The following GNAQ variants were observed in gnomAD, a reference collection of about 807,000 sequenced individuals.
GNAQ encodes the protein guanine nucleotide-binding protein G(q) subunit alpha.
A neutral mutation model predicts 43.9 loss-of-function variants in GNAQ; 8 were observed. The ratio of observed to expected loss-of-function variants is 0.18; its 90% CI spans 0.11 to 0.33. The LOEUF (loss-of-function observed/expected upper bound fraction) is 0.33, where lower values mean the gene tolerates loss of function less well. Among genes scored for constraint, GNAQ ranks in the 10% least tolerant of loss-of-function variants. The probability of loss-of-function intolerance (pLI) is 1.00; values close to 1 mark genes in which losing one functional copy is unlikely to be tolerated. For missense variants in GNAQ, 158 were observed against 450.8 expected, an observed-to-expected ratio of 0.35 and a Z score of 5.88; for synonymous variants, 155 against 170.7, an observed-to-expected ratio of 0.91 and a Z score of 0.71.
intron 1 of GNAQ, among the ~76,000 whole-genome samples, chr9:78,003,312 T>C (rs1392376918): frequency 6.6e-6 from 1 of 152,208 alleles, no homozygotes; most frequent in African/African-American, 2.4e-5. Context: ...TTCTTTCTCT[T>C]GAGCCGTATT....
chr9:77,998,745 A>T (rs566097596), intron 1 of GNAQ, among the ~76,000 whole-genome samples: 111 of 152,324 alleles, frequency 7.3e-4, no homozygotes, highest in Non-Finnish European at 1.4e-3. Flanking sequence ...TACTATGTGA[A>T]ACCAAAGACA....
At chr9:77,799,913 GA>G (rs1322952842) in intron 3 of GNAQ, among the ~76,000 whole-genome samples, 5 of 152,214 alleles carry the variant, frequency 3.3e-5, no homozygotes, top group Admixed American at 3.3e-4. Flanking sequence ...CAAATAGAGG[GA>G]GGCTGGGAGA....
intron 3 of GNAQ, among the ~76,000 whole-genome samples, chr9:77,798,989 A>G (rs955754424): frequency 1.3e-5 from 2 of 152,210 alleles, no homozygotes; most frequent in African/African-American, 2.4e-5. Context: ...GCAGTCACAC[A>G]TATGTTCTTC....
chr9:78,029,894 C>T (rs183818512), intron 1 of GNAQ, among the ~76,000 whole-genome samples: 12 of 152,206 alleles, frequency 7.9e-5, no homozygotes, highest in African/African-American at 1.2e-4. Context: ...TTTTTCAGGC[C>T]CGTTACTGCA....
intron 2 of GNAQ, among the ~76,000 whole-genome samples, chr9:77,900,462 A>G (rs10781470): frequency 0.59 from 89,397 of 151,998 alleles, 27,870 homozygotes; most frequent in South Asian, 0.71. Context: ...ACTACCAGTA[A>G]GGCAGGCTGA....
intron 5 of GNAQ, among the ~76,000 whole-genome samples, chr9:77,735,168 CTCT>C (rs1430149641): frequency 4.6e-5 from 7 of 152,182 alleles, no homozygotes; most frequent in Admixed American, 2.0e-4. Flanking sequence ...ACTCTTCACT[CTCT>C]TTTTTAAATA....
intron 1 of GNAQ, among the ~76,000 whole-genome samples, chr9:77,978,717 C>T (rs1823332754): frequency 6.6e-6 from 1 of 152,168 alleles, no homozygotes; most frequent in Non-Finnish European, 1.5e-5. Flanking sequence ...TTCTTACACT[C>T]CACTAAATGT....
At chr9:78,021,045 CTTTT>C (rs545575616) in intron 1 of GNAQ, among the ~76,000 whole-genome samples, 1 of 112,206 alleles carries the variant, frequency 8.9e-6, no homozygotes, top group South Asian at 3.3e-4. Context: ...CAGGAAGCTG[CTTTT>C]TTTTTTTTTT....
intron 2 of GNAQ, among the ~76,000 whole-genome samples, chr9:77,821,927 T>A (rs1827124185): frequency 6.6e-6 from 1 of 152,112 alleles, no homozygotes; most frequent in South Asian, 2.1e-4. Context: ...TCAAAGAATA[T>A]CTGAGGAACA....
At chr9:77,962,785 G>A (rs1458202791) in intron 1 of GNAQ, among the ~76,000 whole-genome samples, 2 of 151,540 alleles carry the variant, frequency 1.3e-5, no homozygotes, top group South Asian at 2.1e-4. Context: ...CCAGCTACTC[G>A]GGAGGCTGAG....
chr9:77,987,638 C>T (rs1351113157), intron 1 of GNAQ, among the ~76,000 whole-genome samples: 3 of 152,118 alleles, frequency 2.0e-5, no homozygotes, highest in Non-Finnish European at 4.4e-5. Flanking sequence ...AACATCGTAC[C>T]AGGTCCTGTT....
At chr9:77,728,437 T>A in intron 6 of GNAQ, 77 bp downstream of exon 6, 2 of 968,774 alleles carry the variant, frequency 2.1e-6, no homozygotes, top group Non-Finnish European at 3.4e-6. Context: ...TGCACTGTAG[T>A]GCGTTAACTC....
chr9:77,774,569 C>G (rs942425067), intron 5 of GNAQ, among the ~76,000 whole-genome samples: 5 of 152,198 alleles, frequency 3.3e-5, no homozygotes, highest in African/African-American at 1.2e-4. Flanking sequence ...TCAAGTGACC[C>G]TCTGGCTTTG....
intron 1 of GNAQ, among the ~76,000 whole-genome samples, chr9:77,960,947 A>T (rs966990975): frequency 6.6e-6 from 1 of 152,238 alleles, no homozygotes; most frequent in African/African-American, 2.4e-5. Context: ...ATATGAGATC[A>T]TTCCCTGTAT....
At chr9:77,935,158 T>A (rs1829212295) in intron 1 of GNAQ, among the ~76,000 whole-genome samples, 1 of 152,048 alleles carries the variant, frequency 6.6e-6, no homozygotes, top group African/African-American at 2.4e-5. Flanking sequence ...AAAGAAATAC[T>A]TCCCTTTTCT....
rs1824059072 is a variant in GNAQ, at chr9:78,031,429, CGCGGTGGGA to C, written c.-203_-195del. On this transcript the variant is annotated 5_prime_UTR_variant, in exon 1 of 7. Coordinates refer to ENST00000286548, the MANE Select transcript of GNAQ (RefSeq NM_002072.5). ...CCGGGGCCACCAGGTGGGCCGGGGG[CGCGGTGGGA>C]GCGGATAGTCTGGGCCGACGGGAGA... The C allele has an allele frequency of 4.4e-6, 1 of 229,442 alleles. No individual in the cohort carries two copies. Among genetic ancestry groups the C allele is most frequent in the African/African-American group, 2.3e-5 (1 of 42,924 alleles). The allele number at this position is 229,442 out of a possible 1,614,324, so 14.2% of individuals were successfully genotyped here.
chr9:77,732,802 C>G lies in GNAQ; in HGVS notation c.736-4135G>C, dbSNP rs1587888434. Reference sequence around the variant, plus strand: ...ACCACTTCTCCTGAGCTGGAAACAACTGTCCCTCTCAATGAAGGGTGGCTT... The same window carrying G: ...ACCACTTCTCCTGAGCTGGAAACAAGTGTCCCTCTCAATGAAGGGTGGCTT... On this transcript the variant is annotated intron_variant, in intron 5 of 6. Transcript: ENST00000286548. Among the ~76,000 whole-genome samples the G allele has an allele frequency of 2.6e-5, 4 of 152,308 alleles. No individual in the cohort carries two copies. In the South Asian group the frequency reaches 8.3e-4, roughly 32 times the overall value.
At chr9:77,727,159 A>C (rs1825410207) in intron 6 of GNAQ, among the ~76,000 whole-genome samples, 1 of 148,952 alleles carries the variant, frequency 6.7e-6, no homozygotes, top group African/African-American at 2.5e-5. Context: ...ATCATGGCTC[A>C]TTGCAGTCTT....
In GNAQ at chr9:77,716,445, GT is replaced by G. The variant is rs1182689991; in HGVS notation, c.*4877del. On this transcript the variant is annotated 3_prime_UTR_variant, in exon 7 of 7. Transcript: ENST00000286548. ...CTTTTAAATACTGCAAGTTAAAAAT[GT>G]TTTCTGACAAAACTCCCTAAATACA... The G allele has an allele frequency of 4.3e-6, 1 of 232,542 alleles. No individual in the cohort carries two copies. Among genetic ancestry groups the G allele is most frequent in the African/African-American group, 2.2e-5 (1 of 45,286 alleles). The allele number at this position is 232,542 out of a possible 1,614,324, so 14.4% of individuals were successfully genotyped here. A position where few individuals can be genotyped will look rare whatever the true frequency, so the allele number is the denominator to read the frequency against.
Sources: gnomAD v4.1 joint callset for allele counts (sites outside exome capture counted in the v4.1 genomes callset) on GRCh38, gnomAD v4.1.1 for gene constraint, MANE v1.5 for transcripts, NCBI Gene and HGNC (gene_info 2026-07-23, HGNC 2026-07-21) for gene names.